Variants in COG5 observed in about 807,000 individuals in gnomAD.
COG5 encodes the protein component of oligomeric golgi complex 5, also known as conserved oligomeric Golgi complex subunit 5.
A neutral mutation model predicts 110.4 loss-of-function variants in COG5; 86 were observed. The observed-to-expected ratio is 0.78, with a 90% CI of 0.65 to 0.93. The LOEUF (loss-of-function observed/expected upper bound fraction) is 0.93, where lower values mean the gene tolerates loss of function less well. COG5 is among the 40% of genes least tolerant of loss of function. The pLI, the probability that COG5 is intolerant of heterozygous loss-of-function variation, is 0.00. For missense variants in COG5, 1,077 were observed against 987.0 expected (o/e 1.09, Z -1.22); for synonymous variants, 360 against 334.6 (o/e 1.08, Z -0.83).
At chr7:107,405,830 GC>G (rs1483865177) in intron 7 of COG5, among the ~76,000 whole-genome samples, 11 of 152,114 alleles carry the variant, frequency 7.2e-5, no homozygotes, top group African/African-American at 2.7e-4. Context: ...TGGGATTCAT[GC>G]CCTTATAAAA....
At chr7:107,428,566 T>G (rs944764977) in intron 6 of COG5, among the ~76,000 whole-genome samples, 5 of 152,214 alleles carry the variant, frequency 3.3e-5, no homozygotes, top group Non-Finnish European at 7.4e-5. Flanking sequence ...TATGGCTCTG[T>G]TAACACCTTT....
chr7:107,505,695 C>G (rs2129139553), intron 6 of COG5, among the ~76,000 whole-genome samples: 1 of 152,326 alleles, frequency 6.6e-6, no homozygotes, highest in Admixed American at 6.5e-5. Context: ...TGTATTTCTC[C>G]TGAAAGAAAC....
At chr7:107,410,936 G>C (rs1205863621) in intron 7 of COG5, among the ~76,000 whole-genome samples, 1 of 152,158 alleles carries the variant, frequency 6.6e-6, no homozygotes, top group African/African-American at 2.4e-5. Context: ...AAGGGCACTA[G>C]ACTCAAGTTT....
At chr7:107,246,762 G>T (rs545363758) in intron 17 of COG5, among the ~76,000 whole-genome samples, 4 of 152,134 alleles carry the variant, frequency 2.6e-5, no homozygotes, top group Non-Finnish European at 5.9e-5. Context: ...ACACTTATAC[G>T]CTGTGGTGGG....
intron 6 of COG5, among the ~76,000 whole-genome samples, chr7:107,412,883 G>C (rs1417776407): frequency 6.6e-6 from 1 of 152,230 alleles, no homozygotes; most frequent in East Asian, 1.9e-4. Context: ...ATTATTACAA[G>C]TTTAAGGAAA....
At chr7:107,258,246 T>TA (rs539484225) in intron 15 of COG5, 27 bp downstream of exon 15, 1,924 of 1,351,266 alleles carry the variant, frequency 1.4e-3, no homozygotes, top group African/African-American at 3.4e-3. Flanking sequence ...TAAAATTAAG[T>TA]AAAAAAAAAC....
At chr7:107,389,567 G>T (rs187578833) in intron 7 of COG5, among the ~76,000 whole-genome samples, 1 of 152,324 alleles carries the variant, frequency 6.6e-6, no homozygotes, top group East Asian at 1.9e-4. Context: ...AGCTGGGAAA[G>T]TAACGGATTT....
intron 6 of COG5, among the ~76,000 whole-genome samples, chr7:107,523,973 A>T (rs947084889): frequency 6.6e-6 from 1 of 152,202 alleles, no homozygotes; most frequent in African/African-American, 2.4e-5. Context: ...TCCTACAAAG[A>T]CTTGTACATG....
chr7:107,380,533 A>G (rs1815026157), intron 7 of COG5, among the ~76,000 whole-genome samples: 1 of 152,168 alleles, frequency 6.6e-6, no homozygotes, highest in Admixed American at 6.5e-5. Context: ...TACTATAAAC[A>G]CCTCTACACA....
chr7:107,541,234 T>TA (rs1286603652), intron 5 of COG5, among the ~76,000 whole-genome samples: 1 of 151,550 alleles, frequency 6.6e-6, no homozygotes, highest in Non-Finnish European at 1.5e-5. Flanking sequence ...CAGTGGCTCA[T>TA]ACTTGTAATT....
intron 11 of COG5, among the ~76,000 whole-genome samples, chr7:107,309,614 C>A (rs990727558): frequency 2.0e-5 from 3 of 152,008 alleles, no homozygotes; most frequent in Non-Finnish European, 2.9e-5. Context: ...AAGGGTATCC[C>A]AGTAGGAATA....
At chr7:107,396,205 G>T (rs545716325) in intron 7 of COG5, among the ~76,000 whole-genome samples, 8 of 152,082 alleles carry the variant, frequency 5.3e-5, no homozygotes, top group Non-Finnish European at 1.2e-4. Flanking sequence ...AAGGAAAAGA[G>T]AATCACATTA....
chr7:107,323,885 T>C (rs1809529975), intron 11 of COG5, among the ~76,000 whole-genome samples: 1 of 152,192 alleles, frequency 6.6e-6, no homozygotes, highest in African/African-American at 2.4e-5. Context: ...CGTAAGATAT[T>C]AGCTGGTTTG....
intron 10 of COG5, among the ~76,000 whole-genome samples, chr7:107,347,147 A>G (rs1322088299): frequency 1.3e-5 from 2 of 152,224 alleles, no homozygotes; most frequent in Admixed American, 1.3e-4. Flanking sequence ...TCAAACAACT[A>G]AAGAGTTTGG....
chr7:107,332,114 C>T (rs369542939), intron 10 of COG5, among the ~76,000 whole-genome samples: 2 of 152,250 alleles, frequency 1.3e-5, no homozygotes, highest in African/African-American at 2.4e-5. Context: ...TCTGAAAGTA[C>T]TGGGATTACA....
intron 6 of COG5, among the ~76,000 whole-genome samples, chr7:107,462,877 A>G (rs1796084627): frequency 6.6e-6 from 1 of 152,226 alleles, no homozygotes; most frequent in African/African-American, 2.4e-5. Context: ...TGCAGTCCCA[A>G]AGAAAAGTTG....
At chr7:107,408,637 A>G (rs965727297) in intron 7 of COG5, among the ~76,000 whole-genome samples, 3 of 152,182 alleles carry the variant, frequency 2.0e-5, no homozygotes, top group East Asian at 1.9e-4. Flanking sequence ...TTCCCTGCCA[A>G]GCTTGGTCAT....
chr7:107,373,866 T>A (rs560486486), intron 7 of COG5, among the ~76,000 whole-genome samples: 2 of 152,320 alleles, frequency 1.3e-5, no homozygotes, highest in East Asian at 3.9e-4. Flanking sequence ...TATACTAAGT[T>A]TATTTTAGAA....
Position 107,258,368 on chromosome 7 carries a change from C to T in COG5, c.1591G>A (p.Asp531Asn), listed in dbSNP as rs1803045759. Residue 531 changes from aspartate (D) to asparagine (N), a missense_variant, in exon 15 of 22, where the codon GAT (aspartate) becomes AAT (asparagine). By Grantham distance (23) the Asp-to-Asn change is conservative. Transcript: ENST00000297135. ...KSEQLLSTQG[D>N]ASQVIGPLTE... ...AGAGGCCCAATCACCTGACTTGCATCTCCTTGTGTGGAGAGCTGTAAGAAT... is the reference window on the plus strand; with the variant it reads ...AGAGGCCCAATCACCTGACTTGCATTTCCTTGTGTGGAGAGCTGTAAGAAT... 1 of 1,606,962 alleles carries T rather than the reference C, an allele frequency of 6.2e-7. No individual in the cohort carries two copies. Among genetic ancestry groups the T allele is most frequent in the Non-Finnish European group, 8.5e-7 (1 of 1,173,616 alleles).
Sources: gnomAD v4.1 joint callset for allele counts (sites outside exome capture counted in the v4.1 genomes callset) on GRCh38, gnomAD v4.1.1 for gene constraint, MANE v1.5 for transcripts, NCBI Gene and HGNC (gene_info 2026-07-23, HGNC 2026-07-21) for gene names.